The following KCNJ15 variants were observed in gnomAD, a reference collection of about 807,000 sequenced individuals.
KCNJ15 encodes the protein potassium inwardly rectifying channel subfamily J member 15.
Under a neutral mutation model 23.0 loss-of-function variants are expected in KCNJ15, and 14 were observed. The observed-to-expected ratio is 0.61, with a 90% CI of 0.40 to 0.95. The LOEUF (loss-of-function observed/expected upper bound fraction) is 0.95. KCNJ15 is among the 40% of genes least tolerant of loss of function. The probability of loss-of-function intolerance (pLI) is 0.00; values close to 1 mark genes in which losing one functional copy is unlikely to be tolerated. For missense variants in KCNJ15, 388 were observed against 461.8 expected (o/e 0.84, Z 1.46); for synonymous variants, 185 against 183.2 (o/e 1.01, Z -0.08).
intron 1 of KCNJ15, among the ~76,000 whole-genome samples, chr21:38,241,146 G>A (rs756383443): frequency 3.5e-4 from 53 of 152,176 alleles, no homozygotes; most frequent in Non-Finnish European, 5.0e-4. Context: ...CATGGAATGC[G>A]TTCTAACAGC....
At chr21:38,257,838 A>G (rs1354616368) in intron 1 of KCNJ15, among the ~76,000 whole-genome samples, 1 of 152,208 alleles carries the variant, frequency 6.6e-6, no homozygotes, top group African/African-American at 2.4e-5. Context: ...AAATTTCCAC[A>G]TTGCTCCTGT....
rs770637691 is a variant in KCNJ15, at chr21:38,299,624, C to T, written c.363C>T (p.Ser121=). 1 of 1,614,130 alleles carries T rather than the reference C, an allele frequency of 6.2e-7. No individual in the cohort carries two copies. The highest frequency in any genetic ancestry group is 8.5e-7 in the Non-Finnish European group (1 of 1,180,024). The change falls in exon 3 of 3, where the codon TCC becomes TCT. Residue 121 remains serine, a synonymous_variant. Transcript: ENST00000398938. The surrounding 1 kb of genome is among the most constrained non-coding windows in gnomAD (Gnocchi z 4.5). ...CTCTCACTGGGGCGTTTCTCTTTTC[C>T]CTGGAATCCCAGACAACCATTGGCT... ...VDSLTGAFLF[S]LESQTTIGYG...
rs1402744053 is a variant in KCNJ15 at position 38,305,700 on chromosome 21, T to A, written c.*5311T>A. ...ATATATTACAAAATTGCCTTGGAAA[T>A]TAGACAAATCTTCAAACTTAACTGA... On this transcript the variant is annotated 3_prime_UTR_variant, in exon 3 of 3. Coordinates refer to ENST00000398938, the MANE Select transcript of KCNJ15 (RefSeq NM_170736.3). 1.3e-5 allele frequency: 2 copies of A among 152,218 alleles called. No homozygotes were observed. Among genetic ancestry groups the A allele is most frequent in the African/African-American group, 4.8e-5 (2 of 41,454 alleles). The allele number at this position is 152,218 out of a possible 1,614,324, so 9.4% of individuals were successfully genotyped here.
chr21:38,294,438 G>A (rs1984935555), intron 1 of KCNJ15, among the ~76,000 whole-genome samples: 1 of 152,112 alleles, frequency 6.6e-6, no homozygotes, highest in Admixed American at 6.5e-5. Flanking sequence ...GCCTAGTTGA[G>A]GAACCCCGGT....
At chr21:38,231,405 G>A (rs1363325238) in intron 1 of KCNJ15, among the ~76,000 whole-genome samples, 1 of 151,686 alleles carries the variant, frequency 6.6e-6, no homozygotes, top group South Asian at 2.1e-4. Context: ...TTTTCCTTAT[G>A]TTTTTGCAAT....
chr21:38,282,626 A>G (rs1983475872), intron 1 of KCNJ15, among the ~76,000 whole-genome samples: 1 of 152,128 alleles, frequency 6.6e-6, no homozygotes, highest in Non-Finnish European at 1.5e-5. Flanking sequence ...TCTCTGACCT[A>G]GAACGTTGGG....
At chr21:38,270,833 C>G (rs926229530) in intron 1 of KCNJ15, among the ~76,000 whole-genome samples, 2 of 152,226 alleles carry the variant, frequency 1.3e-5, no homozygotes, top group African/African-American at 4.8e-5. Flanking sequence ...TAGTAACAGA[C>G]TGAAAAGGTT....
chr21:38,302,572 T>C lies in KCNJ15; in HGVS notation c.*2183T>C, dbSNP rs1361097326. 2 of 152,196 alleles carry C rather than the reference T, an allele frequency of 1.3e-5. No homozygotes were observed. The highest frequency in any genetic ancestry group is 4.8e-5 in the African/African-American group (2 of 41,450). 9.4% of individuals were successfully genotyped at this position (152,196 alleles called of 1,614,324 possible). ...AATATTACATGTCAGTGTAGTTAGA[T>C]ATTATCTCTTTTAGTTATTATACTT... is the stretch of plus-strand genomic sequence containing the variant. On this transcript the variant is annotated 3_prime_UTR_variant, in exon 3 of 3. Coordinates refer to ENST00000398938, the MANE Select transcript of KCNJ15 (RefSeq NM_170736.3).
intron 2 of KCNJ15, among the ~76,000 whole-genome samples, chr21:38,298,465 T>G (rs1440861981): frequency 6.6e-6 from 1 of 152,212 alleles, no homozygotes; most frequent in East Asian, 1.9e-4. Context: ...AACCAGCATA[T>G]TGATCAAGCC....
intron 1 of KCNJ15, among the ~76,000 whole-genome samples, chr21:38,290,375 G>A (rs1254213655): frequency 2.0e-5 from 3 of 152,012 alleles, no homozygotes; most frequent in African/African-American, 4.8e-5. Context: ...TAGTACTTAT[G>A]GAATTTCAAA....
Position 38,306,030 on chromosome 21 carries a change from C to A in KCNJ15, c.*5641C>A, listed in dbSNP as rs1314903891. ...TGAGGAATGGTCTTCCCTGGGGCAT[C>A]ACCCTAGAAGGATGGGCTCAAAGTC... On this transcript the variant is annotated 3_prime_UTR_variant, in exon 3 of 3. Coordinates refer to ENST00000398938, the MANE Select transcript of KCNJ15 (RefSeq NM_170736.3). 6.6e-6 allele frequency: 1 copy of A among 152,242 alleles called. No homozygotes were observed. The highest frequency in any genetic ancestry group is 1.9e-4 in the East Asian group (1 of 5,196). The allele number at this position is 152,242 out of a possible 1,614,324, so 9.4% of individuals were successfully genotyped here. A position where few individuals can be genotyped will look rare whatever the true frequency, so the allele number is the denominator to read the frequency against.
chr21:38,291,345 A>G (rs1984592678), intron 1 of KCNJ15, among the ~76,000 whole-genome samples: 1 of 152,046 alleles, frequency 6.6e-6, no homozygotes, highest in African/African-American at 2.4e-5. Flanking sequence ...CCTTAATGAT[A>G]CCCATTATCC....
chr21:38,272,937 G>T (rs1982254773), intron 1 of KCNJ15, among the ~76,000 whole-genome samples: 2 of 152,152 alleles, frequency 1.3e-5, no homozygotes, highest in Admixed American at 6.5e-5. Context: ...AAATGTAGTT[G>T]GTTATGCCAA....
At chr21:38,238,813 C>T (rs561567098) in intron 1 of KCNJ15, 37 of 261,964 alleles carry the variant, frequency 1.4e-4, no homozygotes, top group African/African-American at 7.8e-4. Flanking sequence ...TTGTCCAGAG[C>T]GTGGTGTAGA....
At chr21:38,298,653 A>C (rs1211054248) in intron 2 of KCNJ15, among the ~76,000 whole-genome samples, 1 of 152,204 alleles carries the variant, frequency 6.6e-6, no homozygotes, top group Non-Finnish European at 1.5e-5. Context: ...TAAAAAATGC[A>C]TTACTACTGA....
intron 1 of KCNJ15, among the ~76,000 whole-genome samples, chr21:38,257,520 GT>G (rs1980386114): frequency 6.6e-6 from 1 of 152,242 alleles, no homozygotes; most frequent in Non-Finnish European, 1.5e-5. Flanking sequence ...GTCAGAGCAA[GT>G]TTGTTGATTT....
At chr21:38,248,074 G>C (rs551245811) in intron 1 of KCNJ15, among the ~76,000 whole-genome samples, 1 of 152,144 alleles carries the variant, frequency 6.6e-6, no homozygotes, top group Non-Finnish European at 1.5e-5. Context: ...TAAACTTATT[G>C]CTAGTAAGAG....
intron 1 of KCNJ15, chr21:38,296,424 G>A (rs2146347709): frequency 6.6e-6 from 1 of 152,336 alleles, no homozygotes; most frequent in East Asian, 1.9e-4. Flanking sequence ...AGGAACCCTG[G>A]GCTAGCTTCC....
chr21:38,288,216 A>AT (rs1353283508), intron 1 of KCNJ15, among the ~76,000 whole-genome samples: 1 of 150,268 alleles, frequency 6.7e-6, no homozygotes, highest in African/African-American at 2.4e-5. Flanking sequence ...AATTTTCTGT[A>AT]TTTTTTAGTA....
Sources: gnomAD v4.1 joint callset for allele counts (sites outside exome capture counted in the v4.1 genomes callset) on GRCh38, gnomAD v4.1.1 for gene constraint, Gnocchi (gnomAD v3.1) non-coding constraint, MANE v1.5 for transcripts, NCBI Gene and HGNC (gene_info 2026-07-23, HGNC 2026-07-21) for gene names.